Variants in XDH observed in about 807,000 individuals in gnomAD.
XDH encodes the protein xanthine dehydrogenase.
A neutral mutation model predicts 156.1 loss-of-function variants in XDH; 138 were observed. The observed-to-expected ratio is 0.88, with a 90% CI of 0.77 to 1.02. The LOEUF is 1.02. Among genes scored for constraint, XDH ranks in the 50% least tolerant of loss-of-function variants. The pLI is 0.00. For missense variants in XDH, 1,849 were observed against 1,684.9 expected (o/e 1.10, Z -1.71); for synonymous variants, 669 against 625.7 (o/e 1.07, Z -1.03).
In XDH at chr2:31,398,575, T is replaced by G. The variant is rs768605805; in HGVS notation, c.431A>C (p.Gln144Pro). 2.2e-5 allele frequency: 36 copies of G among 1,613,916 alleles called. No individual in the cohort carries two copies. Among genetic ancestry groups the G allele is most frequent in the Non-Finnish European group, 3.0e-5 (35 of 1,179,928 alleles). ...AGGCTGTGCCTGAAGGCCCATACCT[T>G]GGAAGGCATTCTCAATCTCCTCCAT... is the stretch of plus-strand genomic sequence containing the variant. The part of the protein sequence containing the change: ...PTMEEIENAF[Q>P]GNLCRCTGYR... Residue 144 changes from glutamine (Q) to proline (P), a missense_variant and splice_region_variant, in exon 5 of 36, where the codon CAA (glutamine) becomes CCA (proline). By Grantham distance (76) the Gln-to-Pro change is moderately conservative (BLOSUM62 -1). Coordinates refer to ENST00000379416, the MANE Select transcript of XDH (RefSeq NM_000379.4).
chr2:31,341,695 G>A (rs1208823065), intron 32 of XDH, among the ~76,000 whole-genome samples: 2 of 152,254 alleles, frequency 1.3e-5, no homozygotes, highest in African/African-American at 2.4e-5. Context: ...CCAGAAACCT[G>A]GGGCTTTGAA....
At chr2:31,390,275 GCTT>G (rs879543856) in intron 6 of XDH, among the ~76,000 whole-genome samples, 4 of 152,174 alleles carry the variant, frequency 2.6e-5, no homozygotes, top group Non-Finnish European at 4.4e-5. Flanking sequence ...ACAATATGTA[GCTT>G]CTAAAGATTG....
At chr2:31,374,252 T>A (rs994478391) in intron 15 of XDH, among the ~76,000 whole-genome samples, 9 of 152,160 alleles carry the variant, frequency 5.9e-5, no homozygotes, top group African/African-American at 2.2e-4. Flanking sequence ...CCTGCTGCTG[T>A]CTCTGTTGGG....
chr2:31,379,668 G>A (rs1047962941), intron 13 of XDH, among the ~76,000 whole-genome samples, 199 bp downstream of exon 13: 2 of 152,192 alleles, frequency 1.3e-5, no homozygotes, highest in African/African-American at 2.4e-5. Flanking sequence ...ATGCCATGTG[G>A]ACTCCTATCC....
intron 13 of XDH, among the ~76,000 whole-genome samples, chr2:31,377,962 A>T (rs1224859682): frequency 1.3e-5 from 2 of 151,268 alleles, no homozygotes; most frequent in Admixed American, 6.6e-5. Flanking sequence ...TTGAGGCCAC[A>T]CTGAGCCGTG....
At chr2:31,375,693 T>G in intron 14 of XDH, 139 bp from the exon 15 acceptor site, 1 of 846,118 alleles carries the variant, frequency 1.2e-6, no homozygotes. Flanking sequence ...TGGGTGACTT[T>G]AGGCAACTTT....
At chr2:31,338,487 A>G (rs1457459157) in intron 34 of XDH, among the ~76,000 whole-genome samples, 1 of 152,142 alleles carries the variant, frequency 6.6e-6, no homozygotes, top group East Asian at 1.9e-4. Context: ...GTAAAGTATG[A>G]CAGTCAATGG....
intron 31 of XDH, among the ~76,000 whole-genome samples, chr2:31,343,884 T>G (rs963411094): frequency 1.3e-5 from 2 of 150,490 alleles, no homozygotes; most frequent in African/African-American, 2.4e-5. Flanking sequence ...AAAGAAATGT[T>G]TATACATATA....
intron 13 of XDH, among the ~76,000 whole-genome samples, chr2:31,377,771 G>A (rs1050837801): frequency 1.4e-4 from 21 of 151,502 alleles, no homozygotes; most frequent in Non-Finnish European, 2.4e-4. Context: ...GCTCACGTCT[G>A]TAATCCCAGA....
At chr2:31,390,049 G>T (rs529520381) in intron 6 of XDH, among the ~76,000 whole-genome samples, 20 of 152,018 alleles carry the variant, frequency 1.3e-4, no homozygotes, top group Non-Finnish European at 1.6e-4. Flanking sequence ...TTACATGAAG[G>T]TTCACTCTTG....
chr2:31,368,989 C>T (rs1241560510), intron 18 of XDH, among the ~76,000 whole-genome samples: 1 of 152,158 alleles, frequency 6.6e-6, no homozygotes, highest in Non-Finnish European at 1.5e-5. Flanking sequence ...TTTGTCAATT[C>T]GGATTCACTC....
chr2:31,336,035 T>C, intron 35 of XDH, 27 bp from the exon 36 acceptor site: 1 of 1,612,926 alleles, frequency 6.2e-7, no homozygotes, highest in Non-Finnish European at 8.5e-7. Flanking sequence ...GTGTTCTCAT[T>C]GCCAGGGTCT....
intron 24 of XDH, among the ~76,000 whole-genome samples, chr2:31,350,669 G>A (rs1054348989): frequency 6.6e-6 from 1 of 152,062 alleles, no homozygotes; most frequent in African/African-American, 2.4e-5. Context: ...CCCAGCCTGC[G>A]GCAGCATCTT....
chr2:31,337,690 G>C lies in XDH; in HGVS notation c.3902C>G (p.Ala1301Gly), dbSNP rs993408772. The change falls in exon 35 of 36, where the codon GCC becomes GGC. Residue 1301 changes from alanine to glycine, a missense_variant. Ala to Gly is a moderately conservative substitution (Grantham distance 60). Transcript: ENST00000379416. ...VKELFRLDSP[A>G]TPEKIRNACV... ...GGCATTGCGGATCTTCTCCGGGGTG[G>C]CAGGGCTGTCTAGCCGGAAGAGTTC... 9 of 1,614,116 alleles carry C rather than the reference G, an allele frequency of 5.6e-6. No homozygotes were observed. The highest frequency in any genetic ancestry group is 7.6e-6 in the Non-Finnish European group (9 of 1,180,052).
intron 11 of XDH, 106 bp downstream of exon 11, chr2:31,382,895 G>T: frequency 6.5e-7 from 1 of 1,537,730 alleles, no homozygotes; most frequent in Non-Finnish European, 8.9e-7. Flanking sequence ...AACTCTAAGC[G>T]CTAAAGTTTG....
At chr2:31,360,636 C>G (rs753398184) in intron 24 of XDH, among the ~76,000 whole-genome samples, 53 of 152,228 alleles carry the variant, frequency 3.5e-4, no homozygotes, top group Non-Finnish European at 7.1e-4. Context: ...TGCCCCTTAG[C>G]CGCTTAGTCC....
chr2:31,370,286 A>C, intron 18 of XDH, 69 bp downstream of exon 18: 5 of 1,565,258 alleles, frequency 3.2e-6, no homozygotes, highest in Non-Finnish European at 4.4e-6. Flanking sequence ...AGGAGTTTGG[A>C]GCAATGTACA....
At chr2:31,365,028 T>C (rs1685870309) in intron 23 of XDH, among the ~76,000 whole-genome samples, 1 of 152,168 alleles carries the variant, frequency 6.6e-6, no homozygotes, top group Non-Finnish European at 1.5e-5. Flanking sequence ...TCTGGAAAAG[T>C]ACATACCCAT....
chr2:31,366,203 T>A, intron 21 of XDH, 94 bp from the exon 22 acceptor site: 1 of 1,596,202 alleles, frequency 6.3e-7, no homozygotes. Context: ...TGGACCTAAT[T>A]ACTGCTGCGA....
Sources: allele counts gnomAD v4.1 joint callset (sites outside exome capture counted in the v4.1 genomes callset), GRCh38; gene constraint gnomAD v4.1.1; transcripts MANE v1.5; gene names NCBI Gene and HGNC (gene_info 2026-07-23, HGNC 2026-07-21).